Variants in CLSPN observed in about 807,000 individuals in gnomAD.
CLSPN encodes claspin.
In CLSPN, 85 loss-of-function variants were observed where a neutral mutation model predicts 156.3. That is an observed-to-expected ratio of 0.54 (90% CI 0.46 to 0.65). The LOEUF is 0.65. Among genes scored for constraint, CLSPN ranks in the 30% least tolerant of loss-of-function variants. The pLI is 0.00. For synonymous variants in CLSPN, 534 were observed against 542.4 expected (o/e 0.98, Z 0.22); for missense variants, 1,407 against 1,554.9 (o/e 0.90, Z 1.60).
In CLSPN at chr1:35,734,554, GCCTGTAATC is replaced by G. The variant is rs1641397913; in HGVS notation, c.*1933_*1941del. ...AAATTAGCTGGGAGTGGTGGCAGGT[GCCTGTAATC>G]CCTGCTATTTGGGAGGCCGAGGCAG... On this transcript the variant is annotated 3_prime_UTR_variant, in exon 25 of 25. Coordinates refer to ENST00000318121, the MANE Select transcript of CLSPN (RefSeq NM_022111.4). The G allele has an allele frequency of 3.5e-6, 1 of 287,948 alleles. No homozygotes were observed. Among genetic ancestry groups the G allele is most frequent in the African/African-American group, 2.3e-5 (1 of 43,866 alleles). 17.8% of individuals were successfully genotyped at this position (287,948 alleles called of 1,614,324 possible).
At chr1:35,741,973 C>CAAAAAAAA (rs767602385) in intron 18 of CLSPN, among the ~76,000 whole-genome samples, 4 of 55,670 alleles carry the variant, frequency 7.2e-5, no homozygotes, top group Admixed American at 2.9e-4. Flanking sequence ...GACTCCGTCT[C>CAAAAAAAA]AAAAAAAAAA....
At chr1:35,758,649 C>CA (rs201947113) in intron 8 of CLSPN, among the ~76,000 whole-genome samples, 4,739 of 140,390 alleles carry the variant, frequency 0.034, 413 homozygotes, top group East Asian at 0.25. Flanking sequence ...AAGCCCGTCT[C>CA]AAAAAAAAAA....
intron 13 of CLSPN, 134 bp downstream of exon 13, chr1:35,748,271 G>T (rs1641959316): frequency 1.0e-6 from 1 of 992,788 alleles, no homozygotes; most frequent in South Asian, 1.5e-5. Context: ...ATACACAAAG[G>T]GGGTGGATTT....
chr1:35,750,405 T>C (rs1642041411), intron 10 of CLSPN, among the ~76,000 whole-genome samples: 1 of 151,740 alleles, frequency 6.6e-6, no homozygotes, highest in Non-Finnish European at 1.5e-5. Flanking sequence ...AGTTTTTTTT[T>C]TTTTTTCTTT....
At position 35,732,874 on chromosome 1, in the gene CLSPN, G is replaced by A; in HGVS notation, c.*3622C>T. The A allele has an allele frequency of 5.1e-6, 5 of 985,386 alleles. No homozygotes were observed. Among genetic ancestry groups the A allele is most frequent in the Non-Finnish European group, 6.0e-6 (5 of 829,930 alleles). 61.0% of individuals were successfully genotyped at this position (985,386 alleles called of 1,614,324 possible). The stretch of plus-strand genomic sequence containing the variant: ...TAGCTTACTTTATAGCAGCCATCCT[G>A]GCATAAGGAAAAGTAACCCAGAGTT... On this transcript the variant is annotated 3_prime_UTR_variant, in exon 25 of 25. Coordinates refer to ENST00000318121, the MANE Select transcript of CLSPN (RefSeq NM_022111.4).
Position 35,753,955 on chromosome 1 carries a change from C to T in CLSPN, c.1580-19G>A, listed in dbSNP as rs754340721. On this transcript the variant is annotated intron_variant, in intron 8 of 24. Transcript: ENST00000318121. ...TCCAGTTCTAAACCCAAACGCCAAC[C>T]AGTGTGTCAGTTTGCCATGCTCAAA... The T allele has an allele frequency of 1.2e-5, 19 of 1,610,698 alleles. No individual in the cohort carries two copies. The highest frequency in any genetic ancestry group is 1.6e-5 in the Non-Finnish European group (19 of 1,178,198).
At chr1:35,724,693 G>C (rs953010091) in intron 24 of CLSPN, among the ~76,000 whole-genome samples, 1 of 152,138 alleles carries the variant, frequency 6.6e-6, no homozygotes. Context: ...CAATAACATA[G>C]TGGTGAACAT....
At chr1:35,748,955 A>C in intron 12 of CLSPN, 1 of 340,304 alleles carries the variant, frequency 2.9e-6, no homozygotes, top group South Asian at 2.4e-5. Flanking sequence ...CCTCCCAAGT[A>C]GCTGGGACTA....
chr1:35,760,813 C>G lies in CLSPN; in HGVS notation c.1108G>C (p.Gly370Arg), dbSNP rs1557521377. 6.2e-7 allele frequency: 1 copy of G among 1,613,558 alleles called. No homozygotes were observed. The highest frequency in any genetic ancestry group is 8.5e-7 in the Non-Finnish European group (1 of 1,179,950). The part of the protein sequence containing the change: ...HHSKGSEQTT[G>R]AENEVETNAL... ...TTAGTTTCCACTTCATTTTCTGCAC[C>G]TGTTGTCTGCTCAGAACCTTTACTA... The change falls in exon 8 of 25, where the codon GGT (glycine) becomes CGT (arginine). Residue 370 changes from glycine to arginine, a missense_variant. Transcript: ENST00000318121.
chr1:35,758,405 G>C (rs1414476623), intron 8 of CLSPN, among the ~76,000 whole-genome samples: 1 of 152,150 alleles, frequency 6.6e-6, no homozygotes, highest in African/African-American at 2.4e-5. Flanking sequence ...AGCACTTTGG[G>C]AGGCTGAGGC....
intron 18 of CLSPN, among the ~76,000 whole-genome samples, chr1:35,739,962 G>C (rs1272816185): frequency 6.6e-6 from 1 of 152,162 alleles, no homozygotes; most frequent in Non-Finnish European, 1.5e-5. Context: ...ACAGTTGAGG[G>C]AATTGAGCCT....
chr1:35,738,374 T>C (rs972819962), intron 21 of CLSPN, 81 bp downstream of exon 21: 14 of 1,443,342 alleles, frequency 9.7e-6, no homozygotes, highest in Admixed American at 2.0e-5. Context: ...GAAACTATCA[T>C]GACAAGCTAA....
chr1:35,764,863 C>CT, intron 2 of CLSPN, 149 bp from the exon 3 acceptor site: 1 of 541,006 alleles, frequency 1.8e-6, no homozygotes, highest in East Asian at 3.2e-5. Context: ...CAAAGCAAAT[C>CT]TAAAAATACA....
chr1:35,764,775 C>T, intron 2 of CLSPN, 61 bp from the exon 3 acceptor site: 1 of 1,056,202 alleles, frequency 9.5e-7, no homozygotes, highest in Non-Finnish European at 1.3e-6. Flanking sequence ...AGTCCCACTA[C>T]TCCTCAAAAA....
chr1:35,752,225 C>T (rs973382408), intron 9 of CLSPN, among the ~76,000 whole-genome samples: 1 of 151,972 alleles, frequency 6.6e-6, no homozygotes, highest in African/African-American at 2.4e-5. Context: ...TCTGTCAATA[C>T]GAGTATGGTT....
At chr1:35,737,553 T>C in intron 22 of CLSPN, 132 bp from the exon 23 acceptor site, 1 of 644,534 alleles carries the variant, frequency 1.6e-6, no homozygotes, top group Non-Finnish European at 2.7e-6. Flanking sequence ...TATATAATGG[T>C]GACTTTCAAA....
Position 35,764,626 on chromosome 1 carries a change from G to A in CLSPN, c.222C>T (p.Ala74=). The part of the protein sequence containing the change: ...DSDSETEDTN[A]SPEKTTYDSA... Reference sequence around the variant, plus strand: ...TGTCATAGGTAGTTTTCTCTGGAGAGGCATTTGTGTCCTCTGTTTCGGAAT... The same window carrying A: ...TGTCATAGGTAGTTTTCTCTGGAGAAGCATTTGTGTCCTCTGTTTCGGAAT... Residue 74 remains alanine, a synonymous_variant, in exon 3 of 25, where the codon GCC becomes GCT. Transcript: ENST00000318121. The A allele has an allele frequency of 3.7e-6, 6 of 1,613,314 alleles. No homozygotes were observed. The highest frequency in any genetic ancestry group is 4.2e-6 in the Non-Finnish European group (5 of 1,179,796).
chr1:35,761,779 T>C (rs1571220005), intron 6 of CLSPN, among the ~76,000 whole-genome samples: 2 of 152,152 alleles, frequency 1.3e-5, no homozygotes, highest in South Asian at 2.1e-4. Context: ...ATTAAAAAAT[T>C]TCCTCCTTAC....
downstream of CLSPN, among the ~76,000 whole-genome samples, chr1:35,728,981 C>T (rs1447367184): frequency 1.4e-5 from 2 of 143,344 alleles, no homozygotes; most frequent in Admixed American, 1.4e-4. Flanking sequence ...CACACACACA[C>T]GCCTTTCCTG....
Sources: gnomAD v4.1 joint callset for allele counts (sites outside exome capture counted in the v4.1 genomes callset) on GRCh38, gnomAD v4.1.1 for gene constraint, MANE v1.5 for transcripts, NCBI Gene and HGNC (gene_info 2026-07-23, HGNC 2026-07-21) for gene names.